Variants in THRAP3 observed in about 807,000 individuals in gnomAD.
THRAP3 encodes thyroid hormone receptor associated protein 3.
A neutral mutation model predicts 101.0 loss-of-function variants in THRAP3; 16 were observed. That is an observed-to-expected ratio of 0.16 (90% CI 0.11 to 0.24). THRAP3 has a LOEUF of 0.24. Among genes scored for constraint, THRAP3 ranks in the 10% least tolerant of loss-of-function variants. The pLI is 1.00. For synonymous variants in THRAP3, 407 were observed against 422.6 expected (o/e 0.96, Z 0.45); for missense variants, 989 against 1,202.7 (o/e 0.82, Z 2.63).
chr1:36,221,186 CAAA>C (rs769615426), upstream of THRAP3, among the ~76,000 whole-genome samples: 4 of 45,324 alleles, frequency 8.8e-5, no homozygotes, highest in East Asian at 1.4e-3. Flanking sequence ...GACCCTATCT[CAAA>C]AAAAAAAAAA....
rs58306701 is a variant in THRAP3 at position 36,253,760 on chromosome 1, AT to A, written c.-134-5603del. On this transcript the variant is annotated intron_variant, in intron 1 of 11. Transcript: ENST00000354618. The stretch of plus-strand genomic sequence containing the variant: ...AGGCGTACACCATTGAGTCAGGCTA[AT>A]TTTTTTTTTTTTTTTTTTAGTTTTT... Among the ~76,000 whole-genome samples, 20 of 100,216 alleles carry A rather than the reference AT, an allele frequency of 2.0e-4. 1 individual carries two copies. Among genetic ancestry groups the A allele is most frequent in the African/African-American group, 4.2e-4 (10 of 23,652 alleles). The allele number at this position is 100,216 out of a possible 152,430, so 65.7% of individuals were successfully genotyped here. A position where few individuals can be genotyped will look rare whatever the true frequency, so the allele number is the denominator to read the frequency against.
chr1:36,304,079 G>A lies in THRAP3; in HGVS notation c.*62G>A, dbSNP rs1181478364. On this transcript the variant is annotated 3_prime_UTR_variant, in exon 12 of 12. Coordinates refer to ENST00000354618, the MANE Select transcript of THRAP3 (RefSeq NM_005119.4). ...AGGCGCTGGGAAGATGGCTGGTGAG[G>A]AGCTTAACAGAGGAACCTCAAGAAG... 1 of 1,445,046 alleles carries A rather than the reference G, an allele frequency of 6.9e-7. No homozygotes were observed. The highest frequency in any genetic ancestry group is 9.1e-7 in the Non-Finnish European group (1 of 1,097,404). 89.5% of individuals were successfully genotyped at this position (1,445,046 alleles called of 1,614,324 possible).
chr1:36,265,215 A>G (rs1645498026), intron 2 of THRAP3, among the ~76,000 whole-genome samples: 1 of 152,192 alleles, frequency 6.6e-6, no homozygotes, highest in Non-Finnish European at 1.5e-5. Flanking sequence ...ATTTGTCCCA[A>G]TTAATGAACC....
rs1455881918 is a variant in THRAP3 at position 36,305,067 on chromosome 1, G to T, written c.*1050G>T. On this transcript the variant is annotated 3_prime_UTR_variant, in exon 12 of 12. Transcript: ENST00000354618. ...TAAGTTGAAGCATTCTCAGATGTTT[G>T]GGGGGAAACATCCTCTTAAAATGGG... 1 of 206,562 alleles carries T rather than the reference G, an allele frequency of 4.8e-6. No homozygotes were observed. The highest frequency in any genetic ancestry group is 9.8e-6 in the Non-Finnish European group (1 of 101,610). The allele number at this position is 206,562 out of a possible 1,614,324, so 12.8% of individuals were successfully genotyped here.
the THRAP3 span, among the ~76,000 whole-genome samples, chr1:36,210,726 T>TC: frequency 0.17 from 316 of 1,852 alleles, 58 homozygotes; most frequent in African/African-American, 0.33. Context: ...TATATATATA[T>TC]ATATATATAT....
chr1:36,220,987 A>G (rs1234860820), upstream of THRAP3, among the ~76,000 whole-genome samples: 2 of 138,420 alleles, frequency 1.4e-5, no homozygotes, highest in East Asian at 2.0e-4. Flanking sequence ...ATATATATAT[A>G]TATATATATA....
intron 6 of THRAP3, 88 bp downstream of exon 6, chr1:36,291,634 C>A: frequency 6.9e-7 from 1 of 1,449,858 alleles, no homozygotes; most frequent in Non-Finnish European, 9.4e-7. Flanking sequence ...TTTGGGGGAC[C>A]TTGTATCTCA....
At position 36,301,095 on chromosome 1, in the gene THRAP3, C is replaced by G. The variant is rs757282608; in HGVS notation, c.2502+11C>G. The G allele has an allele frequency of 1.1e-5, 18 of 1,612,294 alleles. No homozygotes were observed. The highest frequency in any genetic ancestry group is 1.5e-5 in the Non-Finnish European group (18 of 1,178,916). ...GCTCGAGGAACCTTTGTAAGACCTT[C>G]CCCTCTCCCCCTTTCTCTGAGACCC... On this transcript the variant is annotated intron_variant, in intron 10 of 11. Coordinates refer to ENST00000354618, the MANE Select transcript of THRAP3 (RefSeq NM_005119.4).
rs535593565 is a variant in THRAP3 at position 36,224,710 on chromosome 1, G to A, written c.-135+205G>A. On this transcript the variant is annotated intron_variant, in intron 1 of 11. Coordinates refer to ENST00000354618, the MANE Select transcript of THRAP3 (RefSeq NM_005119.4). ...TCCCCGCCCTTTAGGTCTTCCCCTGGCCCCGGCCTAGCTCCCAAGGCTCTT... is the reference window on the plus strand; with the variant it reads ...TCCCCGCCCTTTAGGTCTTCCCCTGACCCCGGCCTAGCTCCCAAGGCTCTT... 2.0e-5 allele frequency among the ~76,000 whole-genome samples: 3 copies of A among 152,188 alleles called. No homozygotes were observed. In the South Asian group the frequency reaches 6.2e-4, roughly 32 times the overall value.
chr1:36,269,712 A>G (rs1645563847), intron 2 of THRAP3, among the ~76,000 whole-genome samples: 1 of 152,004 alleles, frequency 6.6e-6, no homozygotes, highest in Non-Finnish European at 1.5e-5. Context: ...CTGGGACTGC[A>G]GGAGCTCACC....
At chr1:36,260,652 C>T (rs1264562815) in intron 2 of THRAP3, among the ~76,000 whole-genome samples, 1 of 151,948 alleles carries the variant, frequency 6.6e-6, no homozygotes. Context: ...GAAACCCCAT[C>T]TCTACTAAAA....
At chr1:36,250,164 T>C (rs1012219710) in intron 1 of THRAP3, among the ~76,000 whole-genome samples, 11 of 152,262 alleles carry the variant, frequency 7.2e-5, no homozygotes, top group Admixed American at 2.0e-4. Context: ...TTAATAATTT[T>C]TTACTGACTG....
chr1:36,289,919 G>A (rs946525113), intron 5 of THRAP3, among the ~76,000 whole-genome samples, 155 bp downstream of exon 5: 2 of 152,162 alleles, frequency 1.3e-5, no homozygotes, highest in Admixed American at 1.3e-4. Flanking sequence ...GAGAGTATGT[G>A]TCACAGAGTG....
intron 2 of THRAP3, among the ~76,000 whole-genome samples, chr1:36,276,837 A>G (rs970056223): frequency 1.3e-5 from 2 of 152,156 alleles, no homozygotes; most frequent in African/African-American, 4.8e-5. Flanking sequence ...AGCCTGGGAA[A>G]TAGAGGGAGA....
intron 1 of THRAP3, among the ~76,000 whole-genome samples, chr1:36,256,192 A>ATTG (rs1219721649): frequency 9.1e-6 from 1 of 110,402 alleles, no homozygotes; most frequent in Non-Finnish European, 2.1e-5. Flanking sequence ...TGCCTGGATT[A>ATTG]TTATTATTAT....
In THRAP3 at chr1:36,276,636, C is replaced by T. The variant is rs1052093198; in HGVS notation, c.-31-5897C>T. On this transcript the variant is annotated intron_variant, in intron 2 of 11. Transcript: ENST00000354618. ...CTTTGGGAGGCTGAGACAGGCAGAT[C>T]ACCTGAGGTCAGGAGTTTGAGACCA... Among the ~76,000 whole-genome samples the T allele has an allele frequency of 2.6e-5, 4 of 151,926 alleles. No individual in the cohort carries two copies. The South Asian group carries it at 8.3e-4, about 31-fold the overall frequency.
At position 36,286,806 on chromosome 1, in the gene THRAP3, T is replaced by C. The variant is rs778411554; in HGVS notation, c.576T>C (p.Ala192=). The part of the protein sequence containing the change: ...SSSKDSRPSQ[A]AGDNQGDEAK... Reference sequence around the variant, plus strand: ...CTAAGGATAGCCGGCCATCTCAGGCTGCCGGGGATAACCAGGGAGATGAGG... The same window carrying C: ...CTAAGGATAGCCGGCCATCTCAGGCCGCCGGGGATAACCAGGGAGATGAGG... The change falls in exon 4 of 12, where the codon GCT becomes GCC. Residue 192 remains alanine (A), a synonymous_variant. Transcript: ENST00000354618. The surrounding 1 kb of genome is among the most constrained non-coding windows in gnomAD (Gnocchi z 5.5). 6 of 1,614,096 alleles carry C rather than the reference T, an allele frequency of 3.7e-6. No homozygotes were observed. Among genetic ancestry groups the C allele is most frequent in the Non-Finnish European group, 5.1e-6 (6 of 1,180,044 alleles).
At chr1:36,208,051 C>T in the THRAP3 span, among the ~76,000 whole-genome samples, 4 of 152,168 alleles carry the variant, frequency 2.6e-5, no homozygotes, top group Non-Finnish European at 4.4e-5. Flanking sequence ...CCTCAGCCTA[C>T]CAAAGTGCTG....
At chr1:36,221,774 C>T (rs1033070399), upstream of THRAP3, among the ~76,000 whole-genome samples, 3 of 151,014 alleles carry the variant, frequency 2.0e-5, no homozygotes, top group South Asian at 2.1e-4. Context: ...TTAGTAGCGA[C>T]GGAGTTTCAC....
Sources: allele counts gnomAD v4.1 joint callset (sites outside exome capture counted in the v4.1 genomes callset), GRCh38; gene constraint gnomAD v4.1.1; non-coding constraint Gnocchi (gnomAD v3.1); transcripts MANE v1.5; gene names NCBI Gene and HGNC (gene_info 2026-07-23, HGNC 2026-07-21).